Variants in DOCK7 observed in about 807,000 individuals in gnomAD.
DOCK7 encodes the protein dedicator of cytokinesis protein 7.
In DOCK7, 138 loss-of-function variants were observed where a neutral mutation model predicts 271.0. The ratio of observed to expected loss-of-function variants is 0.51; its 90% confidence interval spans 0.44 to 0.59. The LOEUF is 0.59. DOCK7 is among the 20% of genes least tolerant of loss of function. The pLI is 0.00. For synonymous variants in DOCK7, 823 were observed against 876.1 expected, an observed-to-expected ratio of 0.94 and a Z score of 1.07; for missense variants, 2,066 against 2,592.4, an observed-to-expected ratio of 0.80 and a Z score of 4.41.
At position 62,504,627 on chromosome 1, in the gene DOCK7, T is replaced by TA; in HGVS notation, c.4764+2dup. ...CAGAGAATTTTCATGATAAAATACT[T>TA]ACATTCCCAATCTCAAAGTTTTGCC... On this transcript the variant is annotated splice_region_variant and intron_variant, in intron 37 of 49. Coordinates refer to ENST00000635253, the MANE Select transcript of DOCK7 (RefSeq NM_001367561.1). The TA allele has an allele frequency of 6.2e-7, 1 of 1,608,770 alleles. No individual in the cohort carries two copies. The highest frequency in any genetic ancestry group is 8.5e-7 in the Non-Finnish European group (1 of 1,178,448).
chr1:62,619,616 C>G (rs1461075359), intron 13 of DOCK7, among the ~76,000 whole-genome samples: 2 of 152,150 alleles, frequency 1.3e-5, no homozygotes, highest in Non-Finnish European at 2.9e-5. Context: ...CTCCAAATAT[C>G]TTAATATTTT....
chr1:62,488,844 G>T, intron 42 of DOCK7, 90 bp downstream of exon 42: 1 of 1,517,150 alleles, frequency 6.6e-7, no homozygotes, highest in Non-Finnish European at 9.1e-7. Context: ...GTCATTTCAC[G>T]GGATCTAGTT....
rs778863193 is a variant in DOCK7 at position 62,539,781 on chromosome 1, C to T, written c.3157G>A (p.Ala1053Thr). Residue 1053 changes from alanine to threonine, a missense_variant, in exon 26 of 50, where the codon GCT becomes ACT. Coordinates refer to ENST00000635253, the MANE Select transcript of DOCK7 (RefSeq NM_001367561.1). ...DDIAALVSTI[A>T]SDIVSRFQKD... ...TGAAATCGTGAAACTATATCACTAG[C>T]AATCGTGCTGACAAGAGCTGCAATG... 3 of 1,613,256 alleles carry T rather than the reference C, an allele frequency of 1.9e-6. No individual in the cohort carries two copies. The highest frequency in any genetic ancestry group is 2.5e-6 in the Non-Finnish European group (3 of 1,179,814).
intron 14 of DOCK7, among the ~76,000 whole-genome samples, chr1:62,613,461 G>A (rs1171861467): frequency 3.3e-5 from 5 of 152,174 alleles, no homozygotes; most frequent in Non-Finnish European, 5.9e-5. Context: ...TTATTTAAAG[G>A]TGAAAATCTC....
intron 21 of DOCK7, among the ~76,000 whole-genome samples, chr1:62,553,346 ATATATATATTTTTTTTTTTTT>A (rs1435205658): frequency 0.18 from 4,074 of 23,278 alleles, 95 homozygotes; most frequent in Admixed American, 0.19. Context: ...ATATATATAT[ATATATATATTTTTTTTTTTTT>A]TTTTTTTTTT....
intron 23 of DOCK7, among the ~76,000 whole-genome samples, chr1:62,544,379 T>C (rs1172218782): frequency 6.6e-6 from 1 of 152,194 alleles, no homozygotes; most frequent in Admixed American, 6.5e-5. Flanking sequence ...AGCTAAGGTA[T>C]AACAAATTTC....
intron 48 of DOCK7, chr1:62,459,159 G>T (rs533413879): frequency 4.6e-5 from 7 of 151,400 alleles, no homozygotes; most frequent in African/African-American, 1.5e-4. Context: ...AATGAAAGAG[G>T]TCAAATATCC....
intron 18 of DOCK7, among the ~76,000 whole-genome samples, chr1:62,564,725 G>A (rs879653498): frequency 6.6e-6 from 1 of 152,066 alleles, no homozygotes; most frequent in Admixed American, 6.6e-5. Context: ...AGGAGATAGA[G>A]TCATGAAAAA....
Position 62,578,705 on chromosome 1 carries a change from G to A in DOCK7, c.2010+123C>T, listed in dbSNP as rs181452771. The A allele has an allele frequency of 1.3e-4, 119 of 942,534 alleles. 1 individual carries two copies. Among genetic ancestry groups the A allele is most frequent in the Non-Finnish European group, 1.6e-4 (116 of 707,496 alleles). 58.4% of individuals were successfully genotyped at this position (942,534 alleles called of 1,614,324 possible). Reference sequence around the variant, plus strand: ...CCACTGCACTCCAGCCTGGGAGACAGAGACTCTGTCTCAAAAAAAAAAAAA... The same window carrying A: ...CCACTGCACTCCAGCCTGGGAGACAAAGACTCTGTCTCAAAAAAAAAAAAA... On this transcript the variant is annotated intron_variant, in intron 17 of 49. Transcript: ENST00000635253.
intron 31 of DOCK7, among the ~76,000 whole-genome samples, chr1:62,518,186 A>G (rs984851239): frequency 1.3e-5 from 2 of 152,218 alleles, no homozygotes; most frequent in African/African-American, 4.8e-5. Flanking sequence ...CTGTAATCCC[A>G]GCACTTTGGG....
chr1:62,648,524 C>G lies in DOCK7; in HGVS notation c.410G>C (p.Gly137Ala). ...TTTATCTAATGTATTGGGATTAAAT[C>G]CTGTTCCCAATTTATGATATCTATT... ...VIRKYHKLGT[G>A]FNPNTLDKQK... The change falls in exon 5 of 50, where the codon GGA (glycine) becomes GCA (alanine). Residue 137 changes from glycine (G) to alanine (A), a missense_variant. Physicochemically the swap from Gly to Ala is moderately conservative, Grantham distance 60 (BLOSUM62 0). Around this residue, in one of 2 missense-constraint regions of DOCK7, gnomAD observed 1,414 missense variants for 1,670.4 expected, o/e 0.85. Transcript: ENST00000635253. 7.3e-7 allele frequency: 1 copy of G among 1,372,148 alleles called. No individual in the cohort carries two copies. Among genetic ancestry groups the G allele is most frequent in the Non-Finnish European group, 9.7e-7 (1 of 1,031,236 alleles). 85.0% of individuals were successfully genotyped at this position (1,372,148 alleles called of 1,614,324 possible). A position where few individuals can be genotyped will look rare whatever the true frequency, so the allele number is the denominator to read the frequency against.
intron 48 of DOCK7, among the ~76,000 whole-genome samples, chr1:62,459,526 A>G (rs1645449189): frequency 6.6e-6 from 1 of 152,090 alleles, no homozygotes. Flanking sequence ...TACAATTTAC[A>G]AAACTGTACA....
chr1:62,677,570 G>A (rs1397311975), intron 1 of DOCK7, among the ~76,000 whole-genome samples: 1 of 151,914 alleles, frequency 6.6e-6, no homozygotes, highest in Non-Finnish European at 1.5e-5. Context: ...AAATTCCCAT[G>A]TAAAAAGCCA....
At chr1:62,601,657 T>C in intron 14 of DOCK7, 1 of 733,070 alleles carries the variant, frequency 1.4e-6, no homozygotes, top group Non-Finnish European at 2.3e-6. Context: ...TAAACATTAC[T>C]GAAAAAATGC....
In DOCK7 at chr1:62,539,904, A is replaced by G; in HGVS notation, c.3046-12T>C. 6.5e-7 allele frequency: 1 copy of G among 1,535,348 alleles called. No homozygotes were observed. On this transcript the variant is annotated splice_polypyrimidine_tract_variant and intron_variant, in intron 25 of 49. Transcript: ENST00000635253. Reference sequence around the variant, plus strand: ...ACCATGCTCTTTACCTGAAAAAAAGATATAAATTATTAATTTCCTATGAAT... The same window carrying G: ...ACCATGCTCTTTACCTGAAAAAAAGGTATAAATTATTAATTTCCTATGAAT...
intron 48 of DOCK7, among the ~76,000 whole-genome samples, chr1:62,468,344 G>A (rs1645737606): frequency 7.2e-6 from 1 of 138,886 alleles, no homozygotes; most frequent in Non-Finnish European, 1.5e-5. Flanking sequence ...CTGGGCAACA[G>A]AGCGAGACTC....
intron 28 of DOCK7, 148 bp downstream of exon 28, chr1:62,537,743 G>A: frequency 4.4e-6 from 3 of 685,210 alleles, no homozygotes; most frequent in South Asian, 3.4e-5. Flanking sequence ...GTTATTCTGA[G>A]GATTAAATGA....
chr1:62,583,964 G>T, intron 15 of DOCK7: 2 of 196,670 alleles, frequency 1.0e-5, no homozygotes, highest in Non-Finnish European at 1.8e-5. Context: ...TCAATGTCAA[G>T]GTTATAGCTA....
At chr1:62,654,805 C>G (rs1481354651) in intron 2 of DOCK7, among the ~76,000 whole-genome samples, 1 of 152,068 alleles carries the variant, frequency 6.6e-6, no homozygotes, top group Non-Finnish European at 1.5e-5. Flanking sequence ...GGAGATTAGG[C>G]TATACACAGA....
Sources: gnomAD v4.1 joint callset for allele counts (sites outside exome capture counted in the v4.1 genomes callset) on GRCh38, gnomAD v4.1.1 for gene constraint, gnomAD v4.1.1 regional missense constraint, MANE v1.5 for transcripts, NCBI Gene and HGNC (gene_info 2026-07-23, HGNC 2026-07-21) for gene names.